Variants in PTPRO observed in about 807,000 individuals in gnomAD.
The protein encoded by PTPRO is protein tyrosine phosphatase receptor type O, also known as receptor-type tyrosine-protein phosphatase O.
Under a neutral mutation model 145.2 loss-of-function variants are expected in PTPRO, and 62 were observed. The ratio of observed to expected loss-of-function variants is 0.43; its 90% confidence interval spans 0.35 to 0.53. The LOEUF is 0.53. PTPRO is among the 20% of genes least tolerant of loss of function. PTPRO has a pLI of 0.01. For missense variants in PTPRO, 1,345 were observed against 1,482.7 expected, an observed-to-expected ratio of 0.91 and a Z score of 1.53; for synonymous variants, 565 against 514.7, an observed-to-expected ratio of 1.10 and a Z score of -1.32.
intron 16 of PTPRO, among the ~76,000 whole-genome samples, chr12:15,558,757 A>G (rs1943702856): frequency 6.6e-6 from 1 of 152,220 alleles, no homozygotes. Context: ...TGAGGGAGGG[A>G]GAACTTTATT....
intron 1 of PTPRO, among the ~76,000 whole-genome samples, chr12:15,332,255 C>T (rs1027130115): frequency 3.3e-5 from 5 of 152,074 alleles, no homozygotes; most frequent in African/African-American, 1.2e-4. Flanking sequence ...ATGATAGATG[C>T]TTTGTTTATC....
At chr12:15,345,618 G>T (rs868648495) in intron 1 of PTPRO, among the ~76,000 whole-genome samples, 23 of 152,040 alleles carry the variant, frequency 1.5e-4, no homozygotes, top group Admixed American at 1.3e-4. Context: ...GGGGGTGGGG[G>T]GTTAGCATTA....
chr12:15,469,785 A>AAAT (rs1941499018), intron 1 of PTPRO, among the ~76,000 whole-genome samples: 1 of 151,704 alleles, frequency 6.6e-6, no homozygotes, highest in Admixed American at 6.6e-5. Context: ...AAAAAAAAAA[A>AAAT]AATACAGCTT....
chr12:15,507,996 C>A (rs1358508448), intron 6 of PTPRO, among the ~76,000 whole-genome samples: 1 of 152,222 alleles, frequency 6.6e-6, no homozygotes, highest in Non-Finnish European at 1.5e-5. Context: ...TCTGTGGAGA[C>A]ATTTTATGGT....
intron 15 of PTPRO, among the ~76,000 whole-genome samples, chr12:15,552,795 C>CT (rs747379253): frequency 0.48 from 43,076 of 89,900 alleles, 12,772 homozygotes; most frequent in South Asian, 0.59. Flanking sequence ...GAGGTCAAAT[C>CT]TTTTTTTTTT....
chr12:15,530,591 A>G (rs1942941552), intron 12 of PTPRO, among the ~76,000 whole-genome samples: 1 of 152,166 alleles, frequency 6.6e-6, no homozygotes. Flanking sequence ...AAATAAACAA[A>G]CACATGGAAA....
chr12:15,568,464 A>C (rs891621747), intron 18 of PTPRO, among the ~76,000 whole-genome samples: 1 of 133,050 alleles, frequency 7.5e-6, no homozygotes, highest in Non-Finnish European at 1.7e-5. Context: ...CAAAACAAAA[A>C]AGACCACAGT....
chr12:15,332,273 T>C (rs1394079235), intron 1 of PTPRO, among the ~76,000 whole-genome samples: 1 of 152,206 alleles, frequency 6.6e-6, no homozygotes, highest in African/African-American at 2.4e-5. Flanking sequence ...ATCTTTCCTT[T>C]GTTTAAAAAA....
intron 1 of PTPRO, among the ~76,000 whole-genome samples, chr12:15,334,658 T>C (rs1231420648): frequency 1.3e-5 from 2 of 152,126 alleles, no homozygotes; most frequent in Non-Finnish European, 2.9e-5. Flanking sequence ...AACTTTAATT[T>C]TGTTTCTGTT....
chr12:15,527,713 A>G (rs1159203237), intron 12 of PTPRO, among the ~76,000 whole-genome samples: 1 of 152,242 alleles, frequency 6.6e-6, no homozygotes, highest in Non-Finnish European at 1.5e-5. Flanking sequence ...TAGAGCTGAA[A>G]TGTAGGCAGT....
At chr12:15,459,219 T>C (rs1225981116) in intron 1 of PTPRO, among the ~76,000 whole-genome samples, 2 of 152,296 alleles carry the variant, frequency 1.3e-5, no homozygotes, top group East Asian at 3.9e-4. Context: ...CTGTCGTTTT[T>C]CTCCCACTTG....
chr12:15,535,216 G>A (rs537455303), intron 12 of PTPRO, among the ~76,000 whole-genome samples: 1 of 152,284 alleles, frequency 6.6e-6, no homozygotes, highest in East Asian at 1.9e-4. Context: ...ATATCCCGGT[G>A]CAGATGTGAA....
At chr12:15,358,987 A>G (rs1938086759) in intron 1 of PTPRO, among the ~76,000 whole-genome samples, 1 of 152,236 alleles carries the variant, frequency 6.6e-6, no homozygotes, top group Non-Finnish European at 1.5e-5. Flanking sequence ...TGATCAAGGC[A>G]TGTACAGTTT....
At chr12:15,575,116 G>A (rs115968339) in intron 19 of PTPRO, among the ~76,000 whole-genome samples, 4,535 of 152,266 alleles carry the variant, frequency 0.03, 254 homozygotes, top group African/African-American at 0.1. Flanking sequence ...AGCTAAAGAT[G>A]AGGTCCTTGT....
intron 1 of PTPRO, among the ~76,000 whole-genome samples, chr12:15,405,918 C>T (rs1048383748): frequency 6.6e-6 from 1 of 152,032 alleles, no homozygotes; most frequent in Non-Finnish European, 1.5e-5. Flanking sequence ...AGTTGTAATA[C>T]AATATTTTCA....
intron 1 of PTPRO, among the ~76,000 whole-genome samples, chr12:15,392,524 C>T (rs898889169): frequency 5.9e-5 from 9 of 151,704 alleles, no homozygotes; most frequent in African/African-American, 9.7e-5. Flanking sequence ...AGTTCGAGAC[C>T]AGACTGACCA....
chr12:15,360,948 GTATATACACACACA>G (rs1467631130), intron 1 of PTPRO, among the ~76,000 whole-genome samples: 7 of 143,996 alleles, frequency 4.9e-5, no homozygotes, highest in African/African-American at 1.8e-4. Context: ...ATACACACGT[GTATATACACACACA>G]TATATACACA....
Position 15,569,485 on chromosome 12 carries a change from C to A in PTPRO, c.2816C>A (p.Ser939Tyr), listed in dbSNP as rs748812973. 3 of 1,612,732 alleles carry A rather than the reference C, an allele frequency of 1.9e-6. No individual in the cohort carries two copies. Among genetic ancestry groups the A allele is most frequent in the Non-Finnish European group, 1.7e-6 (2 of 1,178,974 alleles). Residue 939 changes from serine (S) to tyrosine (Y), a missense_variant, in exon 19 of 27, where the codon TCT becomes TAT. By Grantham distance (144) the Ser-to-Tyr change is moderately radical. Coordinates refer to ENST00000281171, the MANE Select transcript of PTPRO (RefSeq NM_030667.3). ...GCCAAAGACTCTGACTATAAATTTT[C>A]TCTTCAGTTTGAGGTGAGTTGGTTA... is the stretch of plus-strand genomic sequence containing the variant. ...DMAKDSDYKF[S>Y]LQFEELKLIG...
chr12:15,478,859 G>C (rs1941716580), intron 1 of PTPRO, among the ~76,000 whole-genome samples: 1 of 152,074 alleles, frequency 6.6e-6, no homozygotes, highest in Non-Finnish European at 1.5e-5. Context: ...TTTTAGTAGA[G>C]ACAGGGTTTC....
Sources: gnomAD v4.1 joint callset for allele counts (sites outside exome capture counted in the v4.1 genomes callset) on GRCh38, gnomAD v4.1.1 for gene constraint, MANE v1.5 for transcripts, NCBI Gene and HGNC (gene_info 2026-07-23, HGNC 2026-07-21) for gene names.